CAMTA1: variants seen among roughly 807,000 people sequenced by gnomAD.
CAMTA1 encodes calmodulin binding transcription activator 1.
CAMTA1 carries 27 observed loss-of-function variants against 170.9 expected under a neutral mutation model. The ratio of observed to expected loss-of-function variants is 0.16; its 90% CI spans 0.12 to 0.22. CAMTA1 has a LOEUF of 0.22. Among genes scored for constraint, CAMTA1 ranks in the 10% least tolerant of loss-of-function variants. The probability of loss-of-function intolerance (pLI) is 1.00; values close to 1 mark genes in which losing one functional copy is unlikely to be tolerated. For synonymous variants in CAMTA1, 833 were observed against 891.5 expected, an observed-to-expected ratio of 0.93 and a Z score of 1.17; for missense variants, 1,619 against 2,217.2, an observed-to-expected ratio of 0.73 and a Z score of 5.42.
chr1:7,279,146 C>T (rs907371254), intron 5 of CAMTA1, among the ~76,000 whole-genome samples: 2 of 152,104 alleles, frequency 1.3e-5, no homozygotes, highest in African/African-American at 2.4e-5. Context: ...CACTGAACCC[C>T]GCAGTGCACC....
In CAMTA1 at chr1:7,067,729, G is replaced by A. The variant is rs1709144412; in HGVS notation, c.235-23575G>A. Among the ~76,000 whole-genome samples, 1 of 152,120 alleles carries A rather than the reference G, an allele frequency of 6.6e-6. No individual in the cohort carries two copies. The highest frequency in any genetic ancestry group is 2.1e-4 in the South Asian group (1 of 4,824). On this transcript the variant is annotated intron_variant, in intron 3 of 22. Coordinates refer to ENST00000303635, the MANE Select transcript of CAMTA1 (RefSeq NM_015215.4). The surrounding 1 kb of genome is among the most constrained non-coding windows in gnomAD (Gnocchi z 4.3). ...TAGCATTCCCGTCTTATTTCTTGCC[G>A]ACAGGACCTTGACTGTGTTCAGGTG... is the stretch of plus-strand genomic sequence containing the variant.
chr1:7,401,377 A>G (rs965395911), intron 5 of CAMTA1, among the ~76,000 whole-genome samples: 19 of 152,202 alleles, frequency 1.2e-4, no homozygotes, highest in African/African-American at 4.6e-4. Flanking sequence ...TGCCAATTCT[A>G]TACTACCTTG....
intron 1 of CAMTA1, among the ~76,000 whole-genome samples, chr1:6,813,962 A>G (rs939170467): frequency 1.3e-5 from 2 of 152,194 alleles, no homozygotes; most frequent in Admixed American, 1.3e-4. Context: ...TTTCCTTTCC[A>G]TAAACTTAGG....
intron 5 of CAMTA1, among the ~76,000 whole-genome samples, chr1:7,381,835 A>G (rs912844729): frequency 1.1e-4 from 16 of 149,786 alleles, no homozygotes; most frequent in African/African-American, 3.9e-4. Flanking sequence ...TGACTTTTTA[A>G]TGATCGCCAT....
chr1:7,105,566 T>C (rs1054179541), intron 4 of CAMTA1, among the ~76,000 whole-genome samples: 8 of 152,194 alleles, frequency 5.3e-5, no homozygotes, highest in Non-Finnish European at 8.8e-5. Flanking sequence ...TTCTCAGGAA[T>C]TGGAACACAG....
intron 6 of CAMTA1, among the ~76,000 whole-genome samples, chr1:7,511,717 G>A (rs2094204032): frequency 6.6e-6 from 1 of 152,148 alleles, no homozygotes; most frequent in South Asian, 2.1e-4. Context: ...AGGCTGGTGA[G>A]GTTTCCTGGA....
At chr1:7,339,322 C>CAA (rs35301411) in intron 5 of CAMTA1, among the ~76,000 whole-genome samples, 36,367 of 152,054 alleles carry the variant, frequency 0.24, 4,894 homozygotes, top group Middle Eastern at 0.41. Flanking sequence ...GAACAAAAGA[C>CAA]AAAGCTAGGT....
chr1:7,189,793 A>G (rs1654172209), intron 4 of CAMTA1, among the ~76,000 whole-genome samples: 1 of 152,270 alleles, frequency 6.6e-6, no homozygotes. Flanking sequence ...GTATCTACCC[A>G]GAGGAAAGGA....
chr1:7,530,716 C>T (rs1003840162), intron 6 of CAMTA1, among the ~76,000 whole-genome samples: 6 of 151,726 alleles, frequency 4.0e-5, no homozygotes, highest in African/African-American at 1.2e-4. Context: ...TTATTATTAT[C>T]ATCTTTCCCT....
chr1:7,709,160 A>T (rs1350426073), intron 11 of CAMTA1, among the ~76,000 whole-genome samples: 1 of 152,048 alleles, frequency 6.6e-6, no homozygotes, highest in Non-Finnish European at 1.5e-5. Context: ...AGTCTTATTA[A>T]TGAAGCTTTT....
At chr1:6,823,780 G>T (rs1646792052) in intron 2 of CAMTA1, among the ~76,000 whole-genome samples, 1 of 152,092 alleles carries the variant, frequency 6.6e-6, no homozygotes, top group African/African-American at 2.4e-5. Flanking sequence ...ACTGAACAAA[G>T]CCGTAGTAAA....
At chr1:6,788,278 C>G (rs1214326478) in intron 1 of CAMTA1, among the ~76,000 whole-genome samples, 7 of 150,496 alleles carry the variant, frequency 4.7e-5, no homozygotes, top group Non-Finnish European at 1.0e-4. Context: ...GGAGACTCAT[C>G]CTCCCCAACA....
chr1:7,205,846 T>C (rs1329299103), intron 4 of CAMTA1, among the ~76,000 whole-genome samples: 4 of 152,252 alleles, frequency 2.6e-5, no homozygotes, highest in Non-Finnish European at 1.5e-5. Context: ...GGTTTCATTT[T>C]TTTTCTTACA....
At chr1:7,631,291 C>T (rs557864150) in intron 6 of CAMTA1, among the ~76,000 whole-genome samples, 109 of 152,292 alleles carry the variant, frequency 7.2e-4, no homozygotes, top group African/African-American at 2.5e-3. Context: ...TGCTGCCACC[C>T]GGGGCACTGA....
In CAMTA1 at chr1:7,609,867, G is replaced by A. The variant is rs1464387345; in HGVS notation, c.511-30533G>A. Among the ~76,000 whole-genome samples the A allele has an allele frequency of 1.3e-5, 2 of 152,216 alleles. No individual in the cohort carries two copies. Among genetic ancestry groups the A allele is most frequent in the African/African-American group, 4.8e-5 (2 of 41,458 alleles). ...ATCCGGGTAGAGTCCAAACATGGAA[G>A]CTCGGATTATTATGTACTGCTCTTA... On this transcript the variant is annotated intron_variant, in intron 6 of 22. Coordinates refer to ENST00000303635, the MANE Select transcript of CAMTA1 (RefSeq NM_015215.4). The surrounding 1 kb of genome is among the most constrained non-coding windows in gnomAD (Gnocchi z 4.4).
intron 6 of CAMTA1, among the ~76,000 whole-genome samples, chr1:7,488,110 GAATCTCTCTAA>G (rs1181064368): frequency 1.3e-5 from 2 of 152,170 alleles, no homozygotes; most frequent in African/African-American, 4.8e-5. Context: ...AACCTCTCTA[GAATCTCTCTAA>G]AATCTCTCTG....
intron 6 of CAMTA1, among the ~76,000 whole-genome samples, chr1:7,487,316 AGCCCCACCCCAGCTCTGGGGCCAT>A (rs2093631785): frequency 2.0e-5 from 3 of 152,322 alleles, no homozygotes; most frequent in Admixed American, 2.0e-4. Context: ...CTCAGGGTCA[AGCCCCACCCCAGCTCTGGGGCCAT>A]GCCCAGCTAC....
At chr1:7,722,520 T>G (rs1310763278) in intron 11 of CAMTA1, among the ~76,000 whole-genome samples, 1 of 152,190 alleles carries the variant, frequency 6.6e-6, no homozygotes, top group African/African-American at 2.4e-5. Flanking sequence ...GTTGTAATAC[T>G]CAAAGCTATT....
rs557791003 is a variant in CAMTA1 at position 7,320,289 on chromosome 1, G to A, written c.438+70663G>A. ...GATTGAGGAAGTTCTCTTCTATCCA[G>A]CTTTTCTCAGAGTTTTTGTTTTTTA... is the stretch of plus-strand genomic sequence containing the variant. On this transcript the variant is annotated intron_variant, in intron 5 of 22. Transcript: ENST00000303635. 3.9e-5 allele frequency among the ~76,000 whole-genome samples: 6 copies of A among 152,262 alleles called. No individual in the cohort carries two copies. The South Asian group carries it at 1.2e-3, about 32-fold the overall frequency.
Sources: allele counts gnomAD v4.1 joint callset (sites outside exome capture counted in the v4.1 genomes callset), GRCh38; gene constraint gnomAD v4.1.1; non-coding constraint Gnocchi (gnomAD v3.1); transcripts MANE v1.5; gene names NCBI Gene and HGNC (gene_info 2026-07-23, HGNC 2026-07-21).